Variants in EXD2 observed in about 807,000 individuals in gnomAD.
The protein encoded by EXD2 is exonuclease 3'-5' domain-containing protein 2.
Under a neutral mutation model 62.5 loss-of-function variants are expected in EXD2, and 40 were observed. That is an observed-to-expected ratio of 0.64 (90% CI 0.50 to 0.83). The LOEUF is 0.83. EXD2 is among the 40% of genes least tolerant of loss of function. The pLI is 0.00. For missense variants in EXD2, 671 were observed against 761.8 expected (o/e 0.88, Z 1.40); for synonymous variants, 239 against 291.9 (o/e 0.82, Z 1.85).
chr14:69,210,571 G>T (rs764321998), intron 3 of EXD2, among the ~76,000 whole-genome samples: 2 of 152,136 alleles, frequency 1.3e-5, no homozygotes, highest in Non-Finnish European at 1.5e-5. Context: ...ACTTTGGTAG[G>T]CTAAGGTGGG....
chr14:69,211,894 A>T (rs775402802), intron 3 of EXD2, among the ~76,000 whole-genome samples: 1 of 152,186 alleles, frequency 6.6e-6, no homozygotes, highest in Non-Finnish European at 1.5e-5. Context: ...AGAAAAGTTA[A>T]AGTGGCAAAT....
intron 2 of EXD2, among the ~76,000 whole-genome samples, chr14:69,208,386 C>A (rs181476759): frequency 6.6e-6 from 1 of 151,446 alleles, no homozygotes; most frequent in Non-Finnish European, 1.5e-5. Context: ...AATTTCTTGT[C>A]TTTTTAGTAG....
chr14:69,209,364 C>T, intron 2 of EXD2, 60 bp from the exon 3 acceptor site: 2 of 908,198 alleles, frequency 2.2e-6, no homozygotes, highest in African/African-American at 1.7e-5. Context: ...TAGAGGAAAA[C>T]TTGTTTATGT....
rs191261642 is a variant in EXD2, at chr14:69,232,941, A to G, written c.718-1759A>G. Among the ~76,000 whole-genome samples, 23 of 152,306 alleles carry G rather than the reference A, an allele frequency of 1.5e-4. No homozygotes were observed. In the East Asian group the frequency reaches 4.0e-3, roughly 27 times the overall value. On this transcript the variant is annotated intron_variant, in intron 5 of 9. Transcript: ENST00000685843. Reference sequence around the variant, plus strand: ...TTATGCTTTTGGTGTCATAGTCAAGAAATCATTGCCTCACCCAAGGTCATG... The same window carrying G: ...TTATGCTTTTGGTGTCATAGTCAAGGAATCATTGCCTCACCCAAGGTCATG...
Position 69,202,823 on chromosome 14 carries a change from A to G in EXD2, c.-131-1094A>G, listed in dbSNP as rs535597474. On this transcript the variant is annotated intron_variant, in intron 1 of 9. Transcript: ENST00000685843. ...GAAACATTTGGCTGAAACAGACAAG[A>G]TGAAATTTAGAAGAAGGATTTTTGA... Among the ~76,000 whole-genome samples the G allele has an allele frequency of 2.0e-5, 3 of 152,362 alleles. No individual in the cohort carries two copies. In the East Asian group the frequency reaches 5.8e-4, roughly 29 times the overall value.
intron 1 of EXD2, chr14:69,191,910 ACT>A (rs1188656538): frequency 6.6e-6 from 1 of 151,070 alleles, no homozygotes; most frequent in Non-Finnish European, 1.5e-5. Context: ...TCCCTGGGAG[ACT>A]CTACCAGACC....
At chr14:69,219,044 G>A (rs2043080792) in intron 3 of EXD2, among the ~76,000 whole-genome samples, 1 of 152,306 alleles carries the variant, frequency 6.6e-6, no homozygotes, top group East Asian at 1.9e-4. Flanking sequence ...ATTCTGTGAA[G>A]AAAGTCATTG....
chr14:69,195,800 A>G (rs1001052767), intron 1 of EXD2, among the ~76,000 whole-genome samples: 3 of 152,218 alleles, frequency 2.0e-5, no homozygotes, highest in Non-Finnish European at 2.9e-5. Context: ...GCTTTAACTT[A>G]GGATAATGTA....
At chr14:69,218,220 C>T (rs915276565) in intron 3 of EXD2, among the ~76,000 whole-genome samples, 112 of 152,196 alleles carry the variant, frequency 7.4e-4, no homozygotes, top group African/African-American at 1.5e-3. Context: ...TTTTAATGAT[C>T]GCCATTCTAA....
rs1192219922 is a variant in EXD2, at chr14:69,242,008, CTT to C, written c.*911_*912del. On this transcript the variant is annotated 3_prime_UTR_variant, in exon 10 of 10. Transcript: ENST00000685843. ...TTCATCGAATTTGCAAGACTGACCT[CTT>C]TTAAGCATTTAATTCACTCCCAGAG... The C allele has an allele frequency of 1.3e-5, 5 of 398,614 alleles. No homozygotes were observed. Among genetic ancestry groups the C allele is most frequent in the African/African-American group, 1.0e-4 (5 of 48,748 alleles). 24.7% of individuals were successfully genotyped at this position (398,614 alleles called of 1,614,324 possible).
Position 69,196,002 on chromosome 14 carries a change from G to A in EXD2, c.-132+4411G>A, listed in dbSNP as rs2042193247. On this transcript the variant is annotated intron_variant, in intron 1 of 9. Transcript: ENST00000685843. ...AGTTCAAAATTAAGGTGTCAGCAGGGTTGTGCTCTTCCTGAAGGCTCTAGG... is the reference window on the plus strand; with the variant it reads ...AGTTCAAAATTAAGGTGTCAGCAGGATTGTGCTCTTCCTGAAGGCTCTAGG... 3 of 152,206 alleles carry A rather than the reference G, an allele frequency of 2.0e-5. No homozygotes were observed. In the South Asian group the frequency reaches 6.2e-4, roughly 32 times the overall value. The allele number at this position is 152,206 out of a possible 1,614,324, so 9.4% of individuals were successfully genotyped here.
intron 1 of EXD2, among the ~76,000 whole-genome samples, chr14:69,202,289 A>T (rs2042435380): frequency 1.3e-5 from 2 of 152,026 alleles, no homozygotes; most frequent in African/African-American, 4.8e-5. Context: ...AGGTGGGAGG[A>T]TCACTTGAAC....
chr14:69,200,511 G>T (rs184666993), intron 1 of EXD2, among the ~76,000 whole-genome samples: 1 of 151,350 alleles, frequency 6.6e-6, no homozygotes, highest in African/African-American at 2.4e-5. Context: ...AGACCAGCCC[G>T]GGCAACATTG....
rs201072451 is a variant in EXD2 at position 69,241,062 on chromosome 14, C to T, written c.1828C>T (p.Arg610Trp). The T allele has an allele frequency of 3.1e-5, 50 of 1,612,680 alleles. No individual in the cohort carries two copies. The highest frequency in any genetic ancestry group is 1.3e-4 in the Admixed American group (8 of 60,006). Residue 610 changes from arginine (R) to tryptophan (W), a missense_variant, in exon 10 of 10, where the codon CGG becomes TGG. By Grantham distance (101) the Arg-to-Trp change is moderately radical. Transcript: ENST00000685843. ...SVDHNHQKLL[R>W]KFGEDLPIQL... ...GGACCACAACCATCAGAAGCTGCTC[C>T]GGAAATTCGGGGAAGATCTTCCCAT...
At chr14:69,203,040 T>C (rs996253218) in intron 1 of EXD2, among the ~76,000 whole-genome samples, 2 of 152,138 alleles carry the variant, frequency 1.3e-5, no homozygotes, top group East Asian at 3.8e-4. Flanking sequence ...CCTGCATCAG[T>C]TAGACCGTGT....
chr14:69,239,054 C>T (rs2043898453), intron 9 of EXD2: 1 of 152,210 alleles, frequency 6.6e-6, no homozygotes, highest in Admixed American at 6.5e-5. Context: ...CTAATGAATT[C>T]ATGGTTCCTA....
intron 3 of EXD2, among the ~76,000 whole-genome samples, chr14:69,222,427 A>C (rs1001810954): frequency 6.6e-6 from 1 of 152,176 alleles, no homozygotes; most frequent in Non-Finnish European, 1.5e-5. Flanking sequence ...CTCCACTGAA[A>C]CTGGTCAAGT....
At chr14:69,223,301 G>A (rs1051069956) in intron 3 of EXD2, among the ~76,000 whole-genome samples, 2 of 152,054 alleles carry the variant, frequency 1.3e-5, no homozygotes, top group Non-Finnish European at 2.9e-5. Flanking sequence ...ATGTCTAATA[G>A]TCATCTCAAA....
chr14:69,241,155 G>A lies in EXD2; in HGVS notation c.*55G>A. 1 of 1,473,584 alleles carries A rather than the reference G, an allele frequency of 6.8e-7. No individual in the cohort carries two copies. Among genetic ancestry groups the A allele is most frequent in the Non-Finnish European group, 9.3e-7 (1 of 1,069,830 alleles). The allele number at this position is 1,473,584 out of a possible 1,614,324, so 91.3% of individuals were successfully genotyped here. A position where few individuals can be genotyped will look rare whatever the true frequency, so the allele number is the denominator to read the frequency against. ...GGGAAGCTGGAGCCAAGGTTGAAGA[G>A]TCACCTCTTCCCATTTTAGTACATC... On this transcript the variant is annotated 3_prime_UTR_variant, in exon 10 of 10. Transcript: ENST00000685843.
Sources: gnomAD v4.1 joint callset for allele counts (sites outside exome capture counted in the v4.1 genomes callset) on GRCh38, gnomAD v4.1.1 for gene constraint, MANE v1.5 for transcripts, NCBI Gene and HGNC (gene_info 2026-07-23, HGNC 2026-07-21) for gene names.